The following UBE2E2 variants were observed in gnomAD, a reference collection of about 807,000 sequenced individuals.
The protein encoded by UBE2E2 is ubiquitin-conjugating enzyme E2 E2.
Under a neutral mutation model 24.7 loss-of-function variants are expected in UBE2E2, and 6 were observed. The observed-to-expected ratio is 0.24, with a 90% confidence interval of 0.13 to 0.48. UBE2E2 has a LOEUF of 0.48. Ranked by LOEUF, UBE2E2 falls within the 20% of genes least tolerant of loss-of-function variation. UBE2E2 has a pLI of 0.99. For synonymous variants in UBE2E2, 104 were observed against 83.6 expected, an observed-to-expected ratio of 1.24 and a Z score of -1.33; for missense variants, 169 against 245.0, an observed-to-expected ratio of 0.69 and a Z score of 2.07.
chr3:23,262,036 G>A (rs993693019), intron 3 of UBE2E2, among the ~76,000 whole-genome samples: 1 of 152,050 alleles, frequency 6.6e-6, no homozygotes, highest in Non-Finnish European at 1.5e-5. Context: ...ATTTTTTGAG[G>A]AGCCTCCATA....
At chr3:23,484,850 G>A (rs1054229018) in intron 3 of UBE2E2, among the ~76,000 whole-genome samples, 1 of 152,090 alleles carries the variant, frequency 6.6e-6, no homozygotes, top group African/African-American at 2.4e-5. Flanking sequence ...CAGGAGAACA[G>A]AATGGGAAAG....
At chr3:23,437,786 A>G (rs1698216046) in intron 3 of UBE2E2, among the ~76,000 whole-genome samples, 1 of 152,190 alleles carries the variant, frequency 6.6e-6, no homozygotes, top group Non-Finnish European at 1.5e-5. Flanking sequence ...GATTGTGTAT[A>G]TGTTCTCACA....
intron 3 of UBE2E2, chr3:23,449,749 A>G: frequency 3.7e-6 from 2 of 535,858 alleles, no homozygotes; most frequent in Non-Finnish European, 4.8e-6. Context: ...ATCTCATATA[A>G]TTCTGTTTTG....
chr3:23,510,127 T>C (rs1694559447), intron 4 of UBE2E2, among the ~76,000 whole-genome samples: 1 of 152,092 alleles, frequency 6.6e-6, no homozygotes, highest in Admixed American at 6.6e-5. Context: ...CTAAAGAAAA[T>C]GAGACAGAGA....
intron 5 of UBE2E2, among the ~76,000 whole-genome samples, chr3:23,560,807 C>T (rs1267658263): frequency 1.3e-5 from 2 of 152,198 alleles, no homozygotes. Flanking sequence ...TTGCATTTCT[C>T]TGATGGCCAG....
chr3:23,403,692 T>G (rs552691134), intron 3 of UBE2E2, among the ~76,000 whole-genome samples: 2 of 151,602 alleles, frequency 1.3e-5, no homozygotes, highest in Admixed American at 6.6e-5. Flanking sequence ...GATGTGGTGG[T>G]GCACGCCTGT....
At chr3:23,248,121 G>C (rs1697466427) in intron 3 of UBE2E2, among the ~76,000 whole-genome samples, 2 of 128,746 alleles carry the variant, frequency 1.6e-5, no homozygotes, top group African/African-American at 2.9e-5. Flanking sequence ...CTTTTTTGTA[G>C]TCGAGTACAT....
At chr3:23,359,734 T>C (rs1294355082) in intron 3 of UBE2E2, among the ~76,000 whole-genome samples, 1 of 152,116 alleles carries the variant, frequency 6.6e-6, no homozygotes, top group Admixed American at 6.6e-5. Flanking sequence ...TAATTAATAA[T>C]TTTATTACTC....
chr3:23,398,040 C>T (rs1314722145), intron 3 of UBE2E2, among the ~76,000 whole-genome samples: 5 of 152,080 alleles, frequency 3.3e-5, no homozygotes, highest in South Asian at 2.1e-4. Context: ...GGGCCAGGCG[C>T]GGTGGCTCAC....
chr3:23,412,923 C>T (rs77142119), intron 3 of UBE2E2, among the ~76,000 whole-genome samples: 5,223 of 151,876 alleles, frequency 0.034, 138 homozygotes, highest in Non-Finnish European at 0.053. Flanking sequence ...TTGGCCCTTA[C>T]CCAATTTAAG....
chr3:23,515,709 C>T (rs938949321), intron 4 of UBE2E2, among the ~76,000 whole-genome samples: 1 of 151,736 alleles, frequency 6.6e-6, no homozygotes, highest in Non-Finnish European at 1.5e-5. Context: ...ATAATCCCAG[C>T]ACTTTGAGAG....
chr3:23,481,809 C>G (rs955319725), intron 3 of UBE2E2, among the ~76,000 whole-genome samples: 1 of 152,128 alleles, frequency 6.6e-6, no homozygotes, highest in Non-Finnish European at 1.5e-5. Flanking sequence ...CAAAGATAGC[C>G]GACGTTGACA....
chr3:23,471,591 A>G (rs1699033625), intron 3 of UBE2E2, among the ~76,000 whole-genome samples: 1 of 152,206 alleles, frequency 6.6e-6, no homozygotes, highest in Non-Finnish European at 1.5e-5. Flanking sequence ...TGTTTAATTC[A>G]TAGGTGAATA....
chr3:23,338,314 A>AT (rs1478787917), intron 3 of UBE2E2, among the ~76,000 whole-genome samples: 2 of 152,166 alleles, frequency 1.3e-5, no homozygotes, highest in Admixed American at 6.6e-5. Flanking sequence ...TTAAGAGTTA[A>AT]TTTTTTTAAC....
chr3:23,299,142 TATC>T (rs754233359), intron 3 of UBE2E2, among the ~76,000 whole-genome samples: 173 of 152,368 alleles, frequency 1.1e-3, no homozygotes, highest in Non-Finnish European at 1.9e-3. Context: ...ATATCCCCGT[TATC>T]ATTTTTTATT....
intron 3 of UBE2E2, among the ~76,000 whole-genome samples, chr3:23,351,363 C>T (rs959390413): frequency 2.4e-4 from 36 of 152,128 alleles, no homozygotes; most frequent in Non-Finnish European, 4.1e-4. Context: ...ATCATAATGA[C>T]GGGATCAAAT....
intron 3 of UBE2E2, among the ~76,000 whole-genome samples, chr3:23,370,532 T>C (rs1559364343): frequency 1.3e-5 from 2 of 152,212 alleles, no homozygotes; most frequent in Admixed American, 1.3e-4. Flanking sequence ...ATAGGAAATA[T>C]AGAATCAGAT....
intron 3 of UBE2E2, among the ~76,000 whole-genome samples, chr3:23,251,403 C>G (rs1296615852): frequency 8.5e-5 from 13 of 152,178 alleles, no homozygotes; most frequent in African/African-American, 2.9e-4. Context: ...CTGGTAGTCT[C>G]TTTGGTGATA....
chr3:23,461,478 G>A (rs187947542), intron 3 of UBE2E2, among the ~76,000 whole-genome samples: 2 of 151,428 alleles, frequency 1.3e-5, no homozygotes, highest in Non-Finnish European at 2.9e-5. Context: ...AAAAAAATAA[G>A]GATTTTTATT....
Sources: allele counts gnomAD v4.1 joint callset (sites outside exome capture counted in the v4.1 genomes callset), GRCh38; gene constraint gnomAD v4.1.1; transcripts MANE v1.5; gene names NCBI Gene and HGNC (gene_info 2026-07-23, HGNC 2026-07-21).